The following GPHN variants were observed in gnomAD, a reference collection of about 807,000 sequenced individuals.
The protein encoded by GPHN is gephyrin.
In GPHN, 17 loss-of-function variants were observed where a neutral mutation model predicts 95.5. That is an observed-to-expected ratio of 0.18 (90% confidence interval 0.12 to 0.27). GPHN has a LOEUF of 0.27. Among genes scored for constraint, GPHN ranks in the 10% least tolerant of loss-of-function variants. The probability of loss-of-function intolerance (pLI) is 1.00; values close to 1 mark genes in which losing one functional copy is unlikely to be tolerated. For synonymous variants in GPHN, 320 were observed against 322.5 expected, an observed-to-expected ratio of 0.99 and a Z score of 0.08; for missense variants, 660 against 978.1, an observed-to-expected ratio of 0.67 and a Z score of 4.34.
At chr14:67,364,272 T>G in the GPHN span, 1 of 152,238 alleles carries the variant, frequency 6.6e-6, no homozygotes, top group Non-Finnish European at 1.5e-5. Context: ...CTATAATAAA[T>G]GACAGAATGT....
intron 1 of GPHN, among the ~76,000 whole-genome samples, chr14:66,666,082 C>G (rs1243492450): frequency 7.0e-6 from 1 of 142,316 alleles, no homozygotes; most frequent in Non-Finnish European, 1.5e-5. Context: ...AGGGGGACAT[C>G]ACACACCGGG....
At chr14:67,056,477 T>G (rs778348512) in intron 10 of GPHN, among the ~76,000 whole-genome samples, 2 of 152,112 alleles carry the variant, frequency 1.3e-5, no homozygotes, top group Non-Finnish European at 2.9e-5. Flanking sequence ...GATTGGTGGA[T>G]GTACAATCCG....
chr14:67,704,563 G>A, the GPHN span, among the ~76,000 whole-genome samples: 3 of 152,136 alleles, frequency 2.0e-5, no homozygotes, highest in Non-Finnish European at 2.9e-5. Context: ...TGGAAGGATG[G>A]TAAGTATTAT....
At chr14:66,796,630 T>C (rs1189446434) in intron 3 of GPHN, among the ~76,000 whole-genome samples, 1 of 152,022 alleles carries the variant, frequency 6.6e-6, no homozygotes, top group African/African-American at 2.4e-5. Context: ...CATATGCCTA[T>C]TTGCCATTTA....
At chr14:66,906,843 A>G (rs1333821544) in intron 5 of GPHN, among the ~76,000 whole-genome samples, 1 of 152,204 alleles carries the variant, frequency 6.6e-6, no homozygotes, top group Non-Finnish European at 1.5e-5. Flanking sequence ...AAGTTACTCT[A>G]TAATTTCAAT....
At chr14:66,975,839 T>C (rs1312811435) in intron 9 of GPHN, among the ~76,000 whole-genome samples, 2 of 152,068 alleles carry the variant, frequency 1.3e-5, no homozygotes, top group East Asian at 1.9e-4. Context: ...GCCACTGCAC[T>C]CCCAGCCTGG....
intron 2 of GPHN, among the ~76,000 whole-genome samples, chr14:66,715,915 T>A (rs992667342): frequency 7.2e-5 from 11 of 152,234 alleles, no homozygotes; most frequent in African/African-American, 2.6e-4. Flanking sequence ...ATGGTCTATC[T>A]TGGAGAAAGT....
intron 5 of GPHN, among the ~76,000 whole-genome samples, chr14:66,883,956 C>A (rs1384722195): frequency 6.6e-6 from 1 of 152,044 alleles, no homozygotes; most frequent in Non-Finnish European, 1.5e-5. Flanking sequence ...CAAGAATTTT[C>A]CCCTCACTCT....
the GPHN span, among the ~76,000 whole-genome samples, chr14:67,526,855 C>T: frequency 6.6e-6 from 1 of 152,078 alleles, no homozygotes; most frequent in Non-Finnish European, 1.5e-5. Context: ...GAACTCACCC[C>T]CTTTTACAAA....
chr14:67,579,607 C>A, the GPHN span: 2 of 1,036,466 alleles, frequency 1.9e-6, no homozygotes, highest in Non-Finnish European at 2.8e-6. Context: ...CTTGCTTTGG[C>A]CTTTTGTATT....
intron 8 of GPHN, among the ~76,000 whole-genome samples, chr14:66,958,330 A>T (rs2068671627): frequency 6.6e-6 from 1 of 152,142 alleles, no homozygotes. Context: ...CTCCCATAGA[A>T]TATCTTTTTC....
At chr14:67,089,726 C>T (rs368888978) in intron 12 of GPHN, among the ~76,000 whole-genome samples, 1 of 152,158 alleles carries the variant, frequency 6.6e-6, no homozygotes, top group East Asian at 1.9e-4. Flanking sequence ...GAAAAGCGGA[C>T]ATGAGGGAAA....
At chr14:67,430,402 G>A in the GPHN span, among the ~76,000 whole-genome samples, 20,136 of 152,190 alleles carry the variant, frequency 0.13, 2,439 homozygotes, top group African/African-American at 0.32. Context: ...AGCCTGTGCC[G>A]GACCCACGCC....
the GPHN span, among the ~76,000 whole-genome samples, chr14:67,215,932 C>T: frequency 1.3e-5 from 2 of 152,036 alleles, no homozygotes; most frequent in Non-Finnish European, 2.9e-5. Flanking sequence ...AAAACAAATG[C>T]CCTAAACCAT....
intron 5 of GPHN, among the ~76,000 whole-genome samples, chr14:66,913,551 C>G (rs1420633474): frequency 6.6e-6 from 1 of 152,070 alleles, no homozygotes; most frequent in Non-Finnish European, 1.5e-5. Context: ...CTATATTGGC[C>G]AGGCTGGTCT....
At chr14:67,140,915 A>C (rs2080416769) in intron 17 of GPHN, among the ~76,000 whole-genome samples, 1 of 152,232 alleles carries the variant, frequency 6.6e-6, no homozygotes, top group African/African-American at 2.4e-5. Context: ...CGTTAAGTAC[A>C]ACATTATTCA....
chr14:67,604,873 T>C, the GPHN span, among the ~76,000 whole-genome samples: 102 of 152,136 alleles, frequency 6.7e-4, no homozygotes, highest in African/African-American at 2.4e-3. Flanking sequence ...AGACTACCCT[T>C]CCCCCCTAAT....
At chr14:67,510,496 A>G in the GPHN span, among the ~76,000 whole-genome samples, 2 of 152,266 alleles carry the variant, frequency 1.3e-5, no homozygotes, top group Non-Finnish European at 1.5e-5. Flanking sequence ...TGCAGGCTAT[A>G]TGAAAGCTTT....
chr14:67,631,907 C>T, the GPHN span, among the ~76,000 whole-genome samples: 1 of 152,126 alleles, frequency 6.6e-6, no homozygotes, highest in Non-Finnish European at 1.5e-5. Flanking sequence ...CAGGGTCTTG[C>T]TCTGTCACCC....
Sources: gnomAD v4.1 joint callset for allele counts (sites outside exome capture counted in the v4.1 genomes callset) on GRCh38, gnomAD v4.1.1 for gene constraint, MANE v1.5 for transcripts, NCBI Gene and HGNC (gene_info 2026-07-23, HGNC 2026-07-21) for gene names.